Variants in MAP1B observed in about 807,000 individuals in gnomAD.
MAP1B encodes the protein microtubule associated protein 1B.
A neutral mutation model predicts 176.1 loss-of-function variants in MAP1B; 12 were observed. The observed-to-expected ratio is 0.07, with a 90% CI of 0.04 to 0.11. The LOEUF (loss-of-function observed/expected upper bound fraction) is 0.11, where lower values mean the gene tolerates loss of function less well. Ranked by LOEUF, MAP1B falls within the 10% of genes least tolerant of loss-of-function variation. The pLI, the probability that MAP1B is intolerant of heterozygous loss-of-function variation, is 1.00. For missense variants in MAP1B, 2,523 were observed against 2,990.5 expected (o/e 0.84, Z 3.65); for synonymous variants, 1,044 against 1,135.0 (o/e 0.92, Z 1.61).
At chr5:72,167,750 A>C (rs1212212619) in intron 2 of MAP1B, among the ~76,000 whole-genome samples, 3 of 152,228 alleles carry the variant, frequency 2.0e-5, no homozygotes, top group Non-Finnish European at 2.9e-5. Flanking sequence ...AAGTATTGAT[A>C]AGTAGACTTT....
chr5:72,136,413 A>G lies in MAP1B; in HGVS notation c.286+20614A>G, dbSNP rs930180228. Reference sequence around the variant, plus strand: ...CAGATACTCTTTTCCTGGGTGGCTCAAGGAGTAGTCGGGTCATCTTCCCAG... The same window carrying G: ...CAGATACTCTTTTCCTGGGTGGCTCGAGGAGTAGTCGGGTCATCTTCCCAG... On this transcript the variant is annotated intron_variant, in intron 2 of 6. Transcript: ENST00000296755. Among the ~76,000 whole-genome samples the G allele has an allele frequency of 2.0e-5, 3 of 152,182 alleles. 1 individual carries two copies. Among genetic ancestry groups the G allele is most frequent in the Non-Finnish European group, 2.9e-5 (2 of 68,020 alleles).
In MAP1B at chr5:72,194,377, C is replaced by T; in HGVS notation, c.1022C>T (p.Thr341Ile). 6.2e-7 allele frequency: 1 copy of T among 1,614,188 alleles called. No homozygotes were observed. The highest frequency in any genetic ancestry group is 8.5e-7 in the Non-Finnish European group (1 of 1,180,046). Residue 341 changes from threonine to isoleucine, a missense_variant, in exon 5 of 7, where the codon ACA becomes ATA. Around this residue, in one of 4 missense-constraint regions of MAP1B, gnomAD observed 307 missense variants for 438.4 expected, o/e 0.70. Coordinates refer to ENST00000296755, the MANE Select transcript of MAP1B (RefSeq NM_005909.5). This position sits in a 1 kb window ranked among gnomAD's most constrained non-coding sequence, Gnocchi z 7.2. Reference sequence around the variant, plus strand: ...GAAGAACAGTCCCAGGGCTCCACCACAAATAGTGACTGGATGAAAAACCTC... The same window carrying T: ...GAAGAACAGTCCCAGGGCTCCACCATAAATAGTGACTGGATGAAAAACCTC... ...LEEEQSQGST[T>I]NSDWMKNLIS...
chr5:72,142,426 G>A (rs1459411768), intron 2 of MAP1B, among the ~76,000 whole-genome samples: 1 of 152,214 alleles, frequency 6.6e-6, no homozygotes, highest in African/African-American at 2.4e-5. Flanking sequence ...GTTTAACACA[G>A]TGAAGACCTG....
intron 4 of MAP1B, among the ~76,000 whole-genome samples, chr5:72,188,157 G>A (rs1241531096): frequency 6.6e-6 from 1 of 152,194 alleles, no homozygotes; most frequent in East Asian, 1.9e-4. Flanking sequence ...AAATTCCAAA[G>A]CTAGGGCTAC....
chr5:72,197,866 A>T lies in MAP1B; in HGVS notation c.4511A>T (p.Gln1504Leu). ...ERKLGDVSPT[Q>L]IDVSQFGSFK... ...AAATTAGGAGATGTTTCTCCCACAC[A>T]AATAGATGTCAGTCAGTTTGGATCT... Residue 1504 changes from glutamine to leucine, a missense_variant, in exon 5 of 7, where the codon CAA becomes CTA. Gln to Leu is a moderately radical substitution (Grantham distance 113, BLOSUM62 -2). This residue lies in a region of MAP1B where 1,925 missense variants were observed against 2,126.0 expected (regional missense o/e 0.91). Transcript: ENST00000296755. The T allele has an allele frequency of 6.2e-7, 1 of 1,614,224 alleles. No homozygotes were observed. Among genetic ancestry groups the T allele is most frequent in the Non-Finnish European group, 8.5e-7 (1 of 1,180,036 alleles).
Position 72,107,516 on chromosome 5 carries a change from C to A in MAP1B, c.-16C>A. ...GCCGGAGCGAGACACTTCGCCGAGG[C>A]ACAGCAGCCGGCAGGATGGCGACCG... On this transcript the variant is annotated 5_prime_UTR_variant, in exon 1 of 7. Transcript: ENST00000296755. 1 of 1,547,878 alleles carries A rather than the reference C, an allele frequency of 6.5e-7. No homozygotes were observed. The highest frequency in any genetic ancestry group is 8.7e-7 in the Non-Finnish European group (1 of 1,150,508).
intron 4 of MAP1B, among the ~76,000 whole-genome samples, chr5:72,189,543 G>T (rs991437437): frequency 1.3e-5 from 2 of 152,044 alleles, no homozygotes; most frequent in African/African-American, 4.8e-5. Flanking sequence ...AGAAAGGGAG[G>T]TGAAGGCCAG....
At chr5:72,163,227 C>CAAAAAAAAAAAA (rs10608907) in intron 2 of MAP1B, among the ~76,000 whole-genome samples, 3 of 78,140 alleles carry the variant, frequency 3.8e-5, no homozygotes, top group African/African-American at 4.9e-5. Context: ...GACTCCATCT[C>CAAAAAAAAAAAA]AAAAAAAAAA....
chr5:72,162,393 G>T (rs3098387), intron 2 of MAP1B, among the ~76,000 whole-genome samples: 2 of 151,148 alleles, frequency 1.3e-5, no homozygotes, highest in African/African-American at 4.9e-5. Context: ...TAACATGACT[G>T]GGGGGGCATC....
At chr5:72,200,737 C>G (rs545416406) in intron 5 of MAP1B, among the ~76,000 whole-genome samples, 3 of 152,302 alleles carry the variant, frequency 2.0e-5, no homozygotes, top group East Asian at 3.9e-4. Flanking sequence ...CAGGGTAACA[C>G]AGGCCAGGAG....
At chr5:72,171,082 A>G (rs1746527777) in intron 2 of MAP1B, among the ~76,000 whole-genome samples, 1 of 152,210 alleles carries the variant, frequency 6.6e-6, no homozygotes. Flanking sequence ...TCAGGACAAC[A>G]TAGAGTAGGA....
chr5:72,119,059 G>A (rs150107933), intron 2 of MAP1B, among the ~76,000 whole-genome samples: 38 of 152,294 alleles, frequency 2.5e-4, no homozygotes, highest in African/African-American at 9.1e-4. Flanking sequence ...TCTCATTCAA[G>A]ACCACTCTGA....
chr5:72,160,722 G>T (rs1746312002), intron 2 of MAP1B, among the ~76,000 whole-genome samples: 1 of 152,162 alleles, frequency 6.6e-6, no homozygotes, highest in Non-Finnish European at 1.5e-5. Flanking sequence ...TCTACAGAAA[G>T]TAGAGACTAG....
At position 72,198,908 on chromosome 5, in the gene MAP1B, G is replaced by C. The variant is rs1747252794; in HGVS notation, c.5553G>C (p.Leu1851Phe). ...ACCATCTAGCCTTGAATAGAGATTT[G>C]TCCACACCTGGCCTGGAGAAGGACA... Reference protein sequence around the residue: ...MQHHLALNRDLSTPGLEKDSG... With the variant: ...MQHHLALNRDFSTPGLEKDSG... Residue 1851 changes from leucine (L) to phenylalanine (F), a missense_variant, in exon 5 of 7, where the codon TTG becomes TTC. By Grantham distance (22) the Leu-to-Phe change is conservative. Transcript: ENST00000296755. 4.3e-6 allele frequency: 7 copies of C among 1,614,066 alleles called. No individual in the cohort carries two copies. In the South Asian group the frequency reaches 7.7e-5, roughly 18 times the overall value.
chr5:72,173,444 A>G (rs1746584634), intron 2 of MAP1B, among the ~76,000 whole-genome samples: 1 of 152,248 alleles, frequency 6.6e-6, no homozygotes, highest in Admixed American at 6.5e-5. Context: ...CATTGTTTTA[A>G]CAAATAGGAA....
intron 2 of MAP1B, among the ~76,000 whole-genome samples, chr5:72,175,334 C>G (rs747068343): frequency 2.6e-5 from 4 of 152,072 alleles, no homozygotes; most frequent in African/African-American, 4.8e-5. Context: ...TACCCCATCA[C>G]CCTTCACTCC....
chr5:72,131,592 A>T (rs1561293963), intron 2 of MAP1B, among the ~76,000 whole-genome samples: 1 of 152,262 alleles, frequency 6.6e-6, no homozygotes, highest in Admixed American at 6.5e-5. Flanking sequence ...TTGGCCTCTT[A>T]AAAACATGGG....
At chr5:72,151,131 T>G (rs1255033556) in intron 2 of MAP1B, among the ~76,000 whole-genome samples, 1 of 152,128 alleles carries the variant, frequency 6.6e-6, no homozygotes, top group East Asian at 1.9e-4. Context: ...CTTTTGTGTT[T>G]CATCAAGACA....
chr5:72,195,824 C>T lies in MAP1B; in HGVS notation c.2469C>T (p.Leu823=), dbSNP rs555263239. Residue 823 remains leucine, a synonymous_variant, in exon 5 of 7, where the codon CTC becomes CTT. Transcript: ENST00000296755. ...CAGCCATTGGCCCTGCCAAAGAACT[C>T]GAAGCTGAGAGGTCCCTTATGTCAT... ...GIAAIGPAKE[L]EAERSLMSSP... 5.6e-6 allele frequency: 9 copies of T among 1,614,212 alleles called. No individual in the cohort carries two copies. In the East Asian group the frequency reaches 8.9e-5, roughly 16 times the overall value.
Sources: allele counts gnomAD v4.1 joint callset (sites outside exome capture counted in the v4.1 genomes callset), GRCh38; gene constraint gnomAD v4.1.1; regional missense constraint gnomAD v4.1.1; non-coding constraint Gnocchi (gnomAD v3.1); transcripts MANE v1.5; gene names NCBI Gene and HGNC (gene_info 2026-07-23, HGNC 2026-07-21).